Variants in IL1RAPL1 observed in about 807,000 individuals in gnomAD.
IL1RAPL1 encodes the protein interleukin-1 receptor accessory protein-like 1.
Under a neutral mutation model 48.4 loss-of-function variants are expected in IL1RAPL1, and 3 were observed. The observed-to-expected ratio is 0.06, with a 90% CI of 0.03 to 0.16. The LOEUF (loss-of-function observed/expected upper bound fraction) is 0.16. Ranked by LOEUF, IL1RAPL1 falls within the 10% of genes least tolerant of loss-of-function variation. IL1RAPL1 has a pLI of 1.00. For synonymous variants in IL1RAPL1, 185 were observed against 187.7 expected (o/e 0.99, Z 0.12); for missense variants, 349 against 530.6 (o/e 0.66, Z 3.36).
chrX:28,768,733 CTCTCTCTCTCTCTCTCTCTCTCTATA>C (rs1936273777), intron 1 of IL1RAPL1, among the ~76,000 whole-genome samples: 1 of 65,751 alleles, frequency 1.5e-5, no homozygotes, highest in African/African-American at 6.2e-5. Flanking sequence ...CTCTCTGTCT[CTCTCTCTCTCTCTCTCTCTCTCTATA>C]TATATATATA....
rs1183857183 is a variant in IL1RAPL1 at position 29,681,860 on chromosome X, G to A, written c.778+13356G>A. 3.6e-5 allele frequency among the ~76,000 whole-genome samples: 4 copies of A among 110,425 alleles called. No homozygotes were observed. In the South Asian group the frequency reaches 1.1e-3, roughly 32 times the overall value. ...GTAGATAATACCAAAAATTGAAGCA[G>A]AGTCAGTATGTCAGACTCTAAGTTT... On this transcript the variant is annotated intron_variant, in intron 6 of 10. Transcript: ENST00000378993.
At chrX:28,774,524 A>G (rs1351984145) in intron 1 of IL1RAPL1, among the ~76,000 whole-genome samples, 2 of 111,544 alleles carry the variant, frequency 1.8e-5, no homozygotes, top group East Asian at 5.6e-4. Flanking sequence ...AAGTTGAGCC[A>G]CCTGCATTTT....
At chrX:28,865,618 A>C (rs1269941425) in intron 2 of IL1RAPL1, among the ~76,000 whole-genome samples, 1 of 111,739 alleles carries the variant, frequency 8.9e-6, no homozygotes, top group African/African-American at 3.3e-5. Flanking sequence ...ATTTAAAACC[A>C]TGAGTCTGTA....
At chrX:28,824,386 T>C (rs1054807902) in intron 2 of IL1RAPL1, among the ~76,000 whole-genome samples, 3 of 111,752 alleles carry the variant, frequency 2.7e-5, no homozygotes, top group Non-Finnish European at 5.7e-5. Flanking sequence ...GAATTTCTTA[T>C]CATTATTCAA....
At chrX:29,640,417 C>T in intron 5 of IL1RAPL1, among the ~76,000 whole-genome samples, 1 of 112,249 alleles carries the variant, frequency 8.9e-6, no homozygotes, top group Non-Finnish European at 1.9e-5. Context: ...GTCTGTGGCC[C>T]TGATGTCATC....
At position 29,406,261 on chromosome X, in the gene IL1RAPL1, C is replaced by T. The variant is rs192007724; in HGVS notation, c.703+6953C>T. On this transcript the variant is annotated intron_variant, in intron 5 of 10. Coordinates refer to ENST00000378993, the MANE Select transcript of IL1RAPL1 (RefSeq NM_014271.4). ...AAAATTAGCCGGGCGTGGTGGTGGG[C>T]GCCTGTAGTCCCAGCTACTCGGGAG... 2.0e-3 allele frequency among the ~76,000 whole-genome samples: 218 copies of T among 110,030 alleles called. 1 individual carries two copies. The highest frequency in any genetic ancestry group is 0.013 in the South Asian group (34 of 2,553).
chrX:29,769,512 C>T (rs1476476039), intron 6 of IL1RAPL1, among the ~76,000 whole-genome samples: 1 of 82,616 alleles, frequency 1.2e-5, no homozygotes, highest in African/African-American at 4.8e-5. Flanking sequence ...GGTGCAATCT[C>T]GACTCACTGC....
chrX:29,528,707 G>C (rs147464417), intron 5 of IL1RAPL1, among the ~76,000 whole-genome samples: 2,056 of 111,613 alleles, frequency 0.018, 42 homozygotes, highest in African/African-American at 0.063. Context: ...CCCAGGATAC[G>C]CTCCTTTTTT....
chrX:29,265,204 C>G (rs1013566550), intron 2 of IL1RAPL1, among the ~76,000 whole-genome samples: 1 of 110,810 alleles, frequency 9.0e-6, no homozygotes, highest in African/African-American at 3.3e-5. Context: ...TGAGCCACCA[C>G]GCCTGGCCCT....
At chrX:29,581,183 C>T (rs1409826148) in intron 5 of IL1RAPL1, among the ~76,000 whole-genome samples, 3 of 112,554 alleles carry the variant, frequency 2.7e-5, no homozygotes, top group Non-Finnish European at 5.6e-5. Flanking sequence ...ACGATACACA[C>T]TTAAAATTGT....
intron 2 of IL1RAPL1, among the ~76,000 whole-genome samples, chrX:29,225,932 C>G (rs1312473440): frequency 9.0e-6 from 1 of 111,319 alleles, no homozygotes; most frequent in African/African-American, 3.3e-5. Flanking sequence ...ATAGGCCTAT[C>G]TATAGTCAGA....
chrX:29,905,216 GT>G (rs200961219), intron 6 of IL1RAPL1, among the ~76,000 whole-genome samples: 10,798 of 106,870 alleles, frequency 0.1, 476 homozygotes, highest in Admixed American at 0.18. Context: ...TTTTGATGGG[GT>G]TTTTTTTTTC....
At chrX:29,680,963 T>C (rs1175070691) in intron 6 of IL1RAPL1, among the ~76,000 whole-genome samples, 1 of 112,290 alleles carries the variant, frequency 8.9e-6, no homozygotes, top group East Asian at 2.8e-4. Context: ...GTTAAATACA[T>C]TTTTAGGAAA....
At chrX:29,325,646 A>G (rs1454227841) in intron 3 of IL1RAPL1, among the ~76,000 whole-genome samples, 1 of 112,165 alleles carries the variant, frequency 8.9e-6, no homozygotes, top group Non-Finnish European at 1.9e-5. Flanking sequence ...AAGAATACTG[A>G]TATCTCTTTG....
chrX:29,342,079 T>C (rs894174427), intron 3 of IL1RAPL1, among the ~76,000 whole-genome samples: 8 of 109,315 alleles, frequency 7.3e-5, no homozygotes, highest in Non-Finnish European at 1.3e-4. Flanking sequence ...AGTGCTGGGA[T>C]TACAGGCGTG....
chrX:29,370,889 A>G (rs1250978572), intron 3 of IL1RAPL1, among the ~76,000 whole-genome samples: 1 of 109,656 alleles, frequency 9.1e-6, no homozygotes, highest in Non-Finnish European at 1.9e-5. Context: ...TTTGACACAT[A>G]TTAATTTTAC....
intron 2 of IL1RAPL1, among the ~76,000 whole-genome samples, chrX:28,965,797 G>T (rs1218547470): frequency 8.9e-6 from 1 of 111,908 alleles, no homozygotes; most frequent in Non-Finnish European, 1.9e-5. Context: ...AAATTATTTA[G>T]TAAAGCCATC....
intron 5 of IL1RAPL1, among the ~76,000 whole-genome samples, chrX:29,643,000 T>C (rs1925212222): frequency 8.9e-6 from 1 of 112,420 alleles, no homozygotes; most frequent in African/African-American, 3.2e-5. Context: ...ATTTGAGGTG[T>C]TAACAACCCA....
chrX:29,561,897 A>G (rs1252760602), intron 5 of IL1RAPL1, among the ~76,000 whole-genome samples: 1 of 111,697 alleles, frequency 9.0e-6, no homozygotes, highest in Non-Finnish European at 1.9e-5. Flanking sequence ...TTAGAAAAGA[A>G]CAAGGTGTTC....
Sources: allele counts gnomAD v4.1 joint callset (sites outside exome capture counted in the v4.1 genomes callset), GRCh38; gene constraint gnomAD v4.1.1; transcripts MANE v1.5; gene names NCBI Gene and HGNC (gene_info 2026-07-23, HGNC 2026-07-21).